TTLL9: variants seen among roughly 807,000 people sequenced by gnomAD.
The protein encoded by TTLL9 is probable tubulin polyglutamylase TTLL9.
In TTLL9, 47 loss-of-function variants were observed where a neutral mutation model predicts 65.6. The observed-to-expected ratio is 0.72, with a 90% confidence interval of 0.57 to 0.91. The LOEUF is 0.91. Ranked by LOEUF, TTLL9 falls within the 40% of genes least tolerant of loss-of-function variation. TTLL9 has a pLI of 0.00. For synonymous variants in TTLL9, 179 were observed against 204.8 expected (o/e 0.87, Z 1.07); for missense variants, 537 against 568.8 (o/e 0.94, Z 0.57).
At chr20:31,883,729 TAAAAA>T (rs112268533) in intron 2 of TTLL9, among the ~76,000 whole-genome samples, 1 of 146,426 alleles carries the variant, frequency 6.8e-6, no homozygotes, top group East Asian at 2.0e-4. Context: ...TTAAATAAGT[TAAAAA>T]AAAAAGCCTG....
intron 6 of TTLL9, among the ~76,000 whole-genome samples, chr20:31,919,364 T>C (rs966437854): frequency 6.6e-6 from 1 of 152,076 alleles, no homozygotes; most frequent in South Asian, 2.1e-4. Flanking sequence ...AGGAGGACTG[T>C]TGTCCTTCTA....
At chr20:31,924,330 C>T (rs1258987736) in intron 8 of TTLL9, among the ~76,000 whole-genome samples, 2 of 152,164 alleles carry the variant, frequency 1.3e-5, no homozygotes, top group Non-Finnish European at 2.9e-5. Flanking sequence ...GGGACCTGAC[C>T]TCTGCCAGCC....
At chr20:31,871,251 A>G in intron 2 of TTLL9, 56 bp downstream of exon 2, 1 of 1,569,380 alleles carries the variant, frequency 6.4e-7, no homozygotes, top group African/African-American at 1.4e-5. Context: ...AGACTACATC[A>G]GGATGTATTA....
intron 2 of TTLL9, among the ~76,000 whole-genome samples, chr20:31,873,684 G>GAGAGAGAGAAAGAA (rs1364633891): frequency 4.0e-5 from 4 of 100,584 alleles, no homozygotes; most frequent in African/African-American, 1.6e-4. Flanking sequence ...AAGAGAGAGA[G>GAGAGAGAGAAAGAA]AGAAAGAAAG....
chr20:31,900,779 A>T (rs2063466584), intron 4 of TTLL9, among the ~76,000 whole-genome samples: 1 of 152,096 alleles, frequency 6.6e-6, no homozygotes, highest in Non-Finnish European at 1.5e-5. Context: ...TGAGGTGACT[A>T]GCAGGTGGGG....
At position 31,934,721 on chromosome 20, in the gene TTLL9, GC is replaced by G. The variant is rs747151614; in HGVS notation, c.838del (p.Gln280SerfsTer33). Reference sequence around the variant, plus strand: ...GCAAGTGGACGCTGCAGCGCTTCCGGCAGTACCTGGCGTCCAAACACGGGCC... The same window carrying G: ...GCAAGTGGACGCTGCAGCGCTTCCGGAGTACCTGGCGTCCAAACACGGGCC... The part of the protein sequence containing the change: ...GCKWTLQRFR[Q>X]YLASKHGPEA... On this transcript the variant is annotated frameshift_variant, in exon 12 of 15. Coordinates refer to ENST00000535842, the MANE Select transcript of TTLL9 (RefSeq NM_001008409.5). LOFTEE classifies it high-confidence loss of function. The G allele has an allele frequency of 1.5e-4, 235 of 1,612,052 alleles. No individual in the cohort carries two copies. The highest frequency in any genetic ancestry group is 1.9e-4 in the Non-Finnish European group (221 of 1,179,860).
intron 3 of TTLL9, among the ~76,000 whole-genome samples, chr20:31,894,361 G>A (rs934252566): frequency 6.6e-6 from 1 of 151,874 alleles, no homozygotes; most frequent in Non-Finnish European, 1.5e-5. Flanking sequence ...GCCTCCCAAA[G>A]TATTGGGATT....
Position 31,889,968 on chromosome 20 carries a change from CTCTCTCTTTCTT to C in TTLL9, c.113+2733_113+2744del, listed in dbSNP as rs1308980175. Among the ~76,000 whole-genome samples the C allele has an allele frequency of 7.1e-3, 917 of 129,888 alleles. 10 individuals are homozygous for C. The highest frequency in any genetic ancestry group is 0.023 in the African/African-American group (796 of 34,196). 85.2% of individuals were successfully genotyped at this position (129,888 alleles called of 152,430 possible). ...AGGGGAGGGAAGAATCAAGCCACATCTCTCTCTTTCTTTCTTTCTTTCTTTCTTTCTTTCTTT... is the reference window on the plus strand; with the variant it reads ...AGGGGAGGGAAGAATCAAGCCACATCTCTTTCTTTCTTTCTTTCTTTCTTT... On this transcript the variant is annotated intron_variant, in intron 3 of 14. Coordinates refer to ENST00000535842, the MANE Select transcript of TTLL9 (RefSeq NM_001008409.5).
At chr20:31,884,877 A>G (rs1319238177) in intron 2 of TTLL9, among the ~76,000 whole-genome samples, 1 of 152,254 alleles carries the variant, frequency 6.6e-6, no homozygotes, top group Non-Finnish European at 1.5e-5. Flanking sequence ...GGATCAGGAC[A>G]TGGACATCTT....
chr20:31,871,533 A>C (rs1449704858), intron 2 of TTLL9, among the ~76,000 whole-genome samples: 1 of 152,188 alleles, frequency 6.6e-6, no homozygotes, highest in Non-Finnish European at 1.5e-5. Flanking sequence ...AATCTATAGT[A>C]GTAGGTGACT....
chr20:31,876,295 A>C (rs554841307), intron 2 of TTLL9, among the ~76,000 whole-genome samples: 54 of 152,286 alleles, frequency 3.5e-4, no homozygotes, highest in African/African-American at 1.2e-3. Context: ...AAATACAAAA[A>C]TTAGCTGGGC....
intron 10 of TTLL9, among the ~76,000 whole-genome samples, chr20:31,929,146 T>C (rs1455174320): frequency 2.0e-5 from 3 of 152,204 alleles, no homozygotes; most frequent in African/African-American, 7.2e-5. Context: ...TCCTCCCACC[T>C]TGATCTTCCA....
At chr20:31,881,872 C>T (rs2063122766) in intron 2 of TTLL9, among the ~76,000 whole-genome samples, 2 of 152,172 alleles carry the variant, frequency 1.3e-5, no homozygotes, top group African/African-American at 4.8e-5. Context: ...TAGCAGTCTA[C>T]ACTGTGAATA....
rs2062919995 is a variant in TTLL9, at chr20:31,871,048, C to CTCAT, written c.-5-70_-5-67dup. ...ATCCATTCTCCCACCCTCCTGTTCA[C>CTCAT]TCATTCACTCGTCCATCTTCCCATC... On this transcript the variant is annotated intron_variant, in intron 1 of 14. Transcript: ENST00000535842. 9.3e-6 allele frequency: 13 copies of CTCAT among 1,392,518 alleles called. No homozygotes were observed. In the Middle Eastern group the frequency reaches 7.1e-4, roughly 76 times the overall value. 86.3% of individuals were successfully genotyped at this position (1,392,518 alleles called of 1,614,324 possible).
At chr20:31,893,986 G>C (rs1279901700) in intron 3 of TTLL9, among the ~76,000 whole-genome samples, 2 of 150,528 alleles carry the variant, frequency 1.3e-5, no homozygotes, top group Admixed American at 6.6e-5. Flanking sequence ...CAATTAGACT[G>C]TTTTCAAATG....
chr20:31,880,663 T>C (rs2063104882), intron 2 of TTLL9, among the ~76,000 whole-genome samples: 1 of 152,014 alleles, frequency 6.6e-6, no homozygotes, highest in Admixed American at 6.5e-5. Context: ...CAGCTAATTT[T>C]TGTATTTTTA....
At chr20:31,920,036 A>T in intron 7 of TTLL9, 104 bp downstream of exon 7, 13 of 1,060,672 alleles carry the variant, frequency 1.2e-5, no homozygotes, top group Non-Finnish European at 1.7e-5. Context: ...TGGCAGAGAA[A>T]CTCTGCCCAC....
intron 8 of TTLL9, among the ~76,000 whole-genome samples, chr20:31,923,985 C>A (rs767813534): frequency 6.6e-6 from 1 of 152,144 alleles, no homozygotes; most frequent in African/African-American, 2.4e-5. Context: ...CCACTCAAAC[C>A]CAACACATCC....
At chr20:31,901,768 T>C (rs2063483265) in intron 4 of TTLL9, among the ~76,000 whole-genome samples, 1 of 152,218 alleles carries the variant, frequency 6.6e-6, no homozygotes. Context: ...GAAAGGTCCT[T>C]CCACAGGGTG....
Sources: allele counts gnomAD v4.1 joint callset (sites outside exome capture counted in the v4.1 genomes callset), GRCh38; gene constraint gnomAD v4.1.1; transcripts MANE v1.5; gene names NCBI Gene and HGNC (gene_info 2026-07-23, HGNC 2026-07-21).